PPP1R14D: variants seen among roughly 807,000 people sequenced by gnomAD.
The protein encoded by PPP1R14D is protein phosphatase 1 regulatory subunit 14D.
PPP1R14D carries 14 observed loss-of-function variants against 17.1 expected under a neutral mutation model. That is an observed-to-expected ratio of 0.82 (90% CI 0.54 to 1.28). The LOEUF (loss-of-function observed/expected upper bound fraction) is 1.28. Ranked by LOEUF, PPP1R14D falls within the 50% of genes most tolerant of loss-of-function variation. PPP1R14D has a pLI of 0.00. For synonymous variants in PPP1R14D, 67 were observed against 66.1 expected, an observed-to-expected ratio of 1.01 and a Z score of -0.06; for missense variants, 173 against 179.2, an observed-to-expected ratio of 0.97 and a Z score of 0.20.
chr15:40,816,062 C>T (rs1890655958), intron 2 of PPP1R14D, 68 bp from the exon 3 acceptor site: 3 of 1,604,780 alleles, frequency 1.9e-6, no homozygotes, highest in Non-Finnish European at 2.6e-6. Flanking sequence ...CACCAATCTC[C>T]CAAGAATTCT....
At position 40,827,145 on chromosome 15, in the gene PPP1R14D, G is replaced by A. The variant is rs945411260; in HGVS notation, c.255+1242C>T. 1.6e-4 allele frequency among the ~76,000 whole-genome samples: 24 copies of A among 152,156 alleles called. 1 individual carries two copies. The highest frequency in any genetic ancestry group is 4.6e-4 in the African/African-American group (19 of 41,450). On this transcript the variant is annotated intron_variant, in intron 1 of 3. Transcript: ENST00000299174. ...CCCGCACTGTCCATTCTGAAATAACGAAAATATTCTATATTTGTGCTGACA... is the reference window on the plus strand; with the variant it reads ...CCCGCACTGTCCATTCTGAAATAACAAAAATATTCTATATTTGTGCTGACA...
In PPP1R14D at chr15:40,816,102, C is replaced by T. The variant is rs183159238; in HGVS notation, c.339+68G>A. On this transcript the variant is annotated intron_variant, in intron 2 of 3. Coordinates refer to ENST00000299174, the MANE Select transcript of PPP1R14D (RefSeq NM_017726.8). The stretch of plus-strand genomic sequence containing the variant: ...TCTGGATTGGTTCTCTGCACTCCAC[C>T]AAAGGAGGCAGAACCTGGGTTTCTG... 3.8e-3 allele frequency: 6,034 copies of T among 1,598,024 alleles called. 18 individuals carry two copies. The highest frequency in any genetic ancestry group is 4.3e-3 in the Non-Finnish European group (4,992 of 1,165,492).
intron 1 of PPP1R14D, among the ~76,000 whole-genome samples, chr15:40,823,597 T>C (rs370869109): frequency 4.1e-4 from 63 of 152,198 alleles, no homozygotes; most frequent in African/African-American, 1.4e-3. Context: ...ATACCTTTTC[T>C]ATGTTCAGAT....
intron 1 of PPP1R14D, among the ~76,000 whole-genome samples, chr15:40,825,790 CCACCTGG>C: frequency 6.6e-6 from 1 of 152,182 alleles, no homozygotes; most frequent in South Asian, 2.1e-4. Flanking sequence ...AGAGAAACTG[CCACCTGG>C]CACCTTTGGA....
Position 40,817,187 on chromosome 15 carries a change from T to C in PPP1R14D, c.256-934A>G, listed in dbSNP as rs139561445. Reference sequence around the variant, plus strand: ...GCCTGGCCAACGTGGTAAAACCCCGTCTCTACTGAATATACAAAAATTAGC... The same window carrying C: ...GCCTGGCCAACGTGGTAAAACCCCGCCTCTACTGAATATACAAAAATTAGC... On this transcript the variant is annotated intron_variant, in intron 1 of 3. Coordinates refer to ENST00000299174, the MANE Select transcript of PPP1R14D (RefSeq NM_017726.8). 2,133 of 240,474 alleles carry C rather than the reference T, an allele frequency of 8.9e-3. 45 individuals are homozygous for C. Among genetic ancestry groups the C allele is most frequent in the African/African-American group, 0.046 (1,976 of 42,868 alleles). The allele number at this position is 240,474 out of a possible 1,614,324, so 14.9% of individuals were successfully genotyped here.
chr15:40,819,259 T>C (rs1050149884), intron 1 of PPP1R14D, among the ~76,000 whole-genome samples: 1 of 152,174 alleles, frequency 6.6e-6, no homozygotes, highest in African/African-American at 2.4e-5. Context: ...TCAGCACAAA[T>C]GTCAACGTAC....
At position 40,828,373 on chromosome 15, in the gene PPP1R14D, G is replaced by T; in HGVS notation, c.255+14C>A. ...AGGCCCCCATCTCCTCCCACTATCCGCTGTGCTACCTACCTGGAAGAGCTC... is the reference window on the plus strand; with the variant it reads ...AGGCCCCCATCTCCTCCCACTATCCTCTGTGCTACCTACCTGGAAGAGCTC... On this transcript the variant is annotated intron_variant, in intron 1 of 3. Transcript: ENST00000299174. 6.4e-7 allele frequency: 1 copy of T among 1,568,272 alleles called. No homozygotes were observed. Among genetic ancestry groups the T allele is most frequent in the Non-Finnish European group, 8.6e-7 (1 of 1,157,374 alleles).
At chr15:40,826,843 G>A (rs1200891256) in intron 1 of PPP1R14D, among the ~76,000 whole-genome samples, 2 of 152,216 alleles carry the variant, frequency 1.3e-5, no homozygotes, top group Non-Finnish European at 2.9e-5. Context: ...GGAGTTGTGG[G>A]AAGGATTAAA....
At chr15:40,825,000 C>T (rs990756543) in intron 1 of PPP1R14D, among the ~76,000 whole-genome samples, 9 of 151,962 alleles carry the variant, frequency 5.9e-5, no homozygotes, top group Admixed American at 5.9e-4. Context: ...TGGGGGATAC[C>T]AGGCCAGGCG....
At chr15:40,818,423 GA>G (rs1417675309) in intron 1 of PPP1R14D, among the ~76,000 whole-genome samples, 2 of 151,772 alleles carry the variant, frequency 1.3e-5, no homozygotes, top group East Asian at 3.9e-4. Flanking sequence ...GGTATGTCCA[GA>G]GAATGGAATA....
chr15:40,818,756 C>A (rs992397679), intron 1 of PPP1R14D, among the ~76,000 whole-genome samples: 2 of 152,190 alleles, frequency 1.3e-5, no homozygotes, highest in Admixed American at 1.3e-4. Context: ...TGAAACTCTT[C>A]TGTATGACAC....
chr15:40,824,312 T>C (rs2141988964), intron 1 of PPP1R14D, among the ~76,000 whole-genome samples: 1 of 152,128 alleles, frequency 6.6e-6, no homozygotes, highest in Non-Finnish European at 1.5e-5. Flanking sequence ...TTTTTTTTCC[T>C]TTTTTTATAG....
At chr15:40,820,392 C>A (rs1358366189) in intron 1 of PPP1R14D, among the ~76,000 whole-genome samples, 2 of 151,884 alleles carry the variant, frequency 1.3e-5, no homozygotes, top group East Asian at 3.9e-4. Context: ...CTCCTGACCT[C>A]AGGTGATCCA....
At chr15:40,825,285 CAAA>C (rs1189173309) in intron 1 of PPP1R14D, among the ~76,000 whole-genome samples, 8 of 104,100 alleles carry the variant, frequency 7.7e-5, no homozygotes, top group African/African-American at 2.2e-4. Context: ...AACTCTGTCT[CAAA>C]AAAAAAAAAA....
chr15:40,816,334 C>T lies in PPP1R14D; in HGVS notation c.256-81G>A, dbSNP rs1030568074. ...AGGTTACTGTCAGGGACTCAACCCA[C>T]CTCTCTCCAATTTCCCATGGTTAGA... is the stretch of plus-strand genomic sequence containing the variant. On this transcript the variant is annotated intron_variant, in intron 1 of 3. Coordinates refer to ENST00000299174, the MANE Select transcript of PPP1R14D (RefSeq NM_017726.8). 9 of 1,132,752 alleles carry T rather than the reference C, an allele frequency of 7.9e-6. No individual in the cohort carries two copies. In the East Asian group the frequency reaches 2.1e-4, roughly 27 times the overall value. The allele number at this position is 1,132,752 out of a possible 1,614,324, so 70.2% of individuals were successfully genotyped here. A position where few individuals can be genotyped will look rare whatever the true frequency, so the allele number is the denominator to read the frequency against.
intron 1 of PPP1R14D, among the ~76,000 whole-genome samples, chr15:40,817,612 CTTTTT>C (rs34000020): frequency 8.1e-5 from 10 of 124,222 alleles, no homozygotes; most frequent in East Asian, 2.4e-4. Flanking sequence ...CAAAACTAAA[CTTTTT>C]TTTTTTTTTT....
At chr15:40,820,424 G>A (rs1460440466) in intron 1 of PPP1R14D, among the ~76,000 whole-genome samples, 2 of 151,930 alleles carry the variant, frequency 1.3e-5, no homozygotes, top group Non-Finnish European at 2.9e-5. Context: ...CTCCCAAAGT[G>A]TTGGGATTAC....
chr15:40,823,966 CT>C (rs1890828034), intron 1 of PPP1R14D, among the ~76,000 whole-genome samples: 1 of 149,416 alleles, frequency 6.7e-6, no homozygotes, highest in Non-Finnish European at 1.5e-5. Flanking sequence ...AAAGACAAGC[CT>C]GAACAACATA....
chr15:40,827,750 G>A (rs754939884), intron 1 of PPP1R14D, among the ~76,000 whole-genome samples: 4 of 151,636 alleles, frequency 2.6e-5, no homozygotes, highest in Non-Finnish European at 4.4e-5. Context: ...GTGAAAAGCC[G>A]TCTCTACAAA....
Sources: allele counts gnomAD v4.1 joint callset (sites outside exome capture counted in the v4.1 genomes callset), GRCh38; gene constraint gnomAD v4.1.1; transcripts MANE v1.5; gene names NCBI Gene and HGNC (gene_info 2026-07-23, HGNC 2026-07-21).